MROH9: variants seen among roughly 807,000 people sequenced by gnomAD.
The protein encoded by MROH9 is maestro heat like repeat family member 9, also known as maestro heat-like repeat-containing protein family member 9.
MROH9 carries 92 observed loss-of-function variants against 98.2 expected under a neutral mutation model. The ratio of observed to expected loss-of-function variants is 0.94; its 90% CI spans 0.79 to 1.11. The LOEUF (loss-of-function observed/expected upper bound fraction) is 1.11, where lower values mean the gene tolerates loss of function less well. MROH9 is among the 50% of genes most tolerant of loss of function. The pLI is 0.00. For synonymous variants in MROH9, 397 were observed against 368.9 expected, an observed-to-expected ratio of 1.08 and a Z score of -0.87; for missense variants, 1,057 against 1,014.8, an observed-to-expected ratio of 1.04 and a Z score of -0.57.
At chr1:171,057,120 A>G (rs1653862826) in intron 20 of MROH9, among the ~76,000 whole-genome samples, 1 of 152,218 alleles carries the variant, frequency 6.6e-6, no homozygotes. Flanking sequence ...GATGAGATGG[A>G]TGAATTGACA....
intron 20 of MROH9, among the ~76,000 whole-genome samples, chr1:171,043,389 A>G (rs887750284): frequency 9.2e-5 from 14 of 152,084 alleles, no homozygotes; most frequent in Non-Finnish European, 2.1e-4. Flanking sequence ...GCTCTGTAGT[A>G]TAATTTGAAA....
intron 3 of MROH9, among the ~76,000 whole-genome samples, chr1:170,952,771 T>A (rs923723979): frequency 1.6e-4 from 24 of 148,868 alleles, no homozygotes; most frequent in Non-Finnish European, 2.8e-4. Context: ...ATATATATAT[T>A]AAAAAAAGAA....
At chr1:171,049,940 C>T (rs766796449) in intron 20 of MROH9, among the ~76,000 whole-genome samples, 13 of 152,234 alleles carry the variant, frequency 8.5e-5, no homozygotes, top group Non-Finnish European at 1.6e-4. Context: ...CCTTGGCCTC[C>T]CAATGTGCTA....
intron 15 of MROH9, chr1:170,998,656 A>C (rs771153444): frequency 7.8e-5 from 89 of 1,139,234 alleles, no homozygotes; most frequent in Non-Finnish European, 9.3e-5. Context: ...CTAGAGGGAG[A>C]AAGGAACTGG....
intron 1 of MROH9, among the ~76,000 whole-genome samples, chr1:170,937,614 C>T (rs916502851): frequency 8.8e-5 from 13 of 147,884 alleles, no homozygotes; most frequent in African/African-American, 1.2e-4. Context: ...CTCCGCCTCC[C>T]GGGTTCACGC....
In MROH9 at chr1:170,970,731, T is replaced by TGTGTGAGAGA. The variant is rs1491154307; in HGVS notation, c.481-1016_481-1015insTGTGAGAGAG. 6.5e-3 allele frequency among the ~76,000 whole-genome samples: 588 copies of TGTGTGAGAGA among 90,796 alleles called. 11 individuals are homozygous for TGTGTGAGAGA. The highest frequency in any genetic ancestry group is 0.048 in the South Asian group (113 of 2,358). The allele number at this position is 90,796 out of a possible 152,430, so 59.6% of individuals were successfully genotyped here. On this transcript the variant is annotated intron_variant, in intron 7 of 21. Coordinates refer to ENST00000367759, the MANE Select transcript of MROH9 (RefSeq NM_001163629.2). ...GTGTGTGTGTGTGTGTGTGTGTGTG[T>TGTGTGAGAGA]GAGAGAGAGAGAGAGAGAGAGAGAG...
At chr1:170,983,644 TA>T (rs1189682469) in intron 9 of MROH9, 110 bp downstream of exon 9, 1 of 661,888 alleles carries the variant, frequency 1.5e-6, no homozygotes, top group Non-Finnish European at 2.6e-6. Context: ...CGTTTTTTTT[TA>T]AACTCAGTGT....
At position 171,025,407 on chromosome 1, in the gene MROH9, G is replaced by A. The variant is rs772652121; in HGVS notation, c.2268G>A (p.Ser756=). ...WSPRTYLKRA[S]VILIGYLAKS... ...CCAGAACATATCTTAAGAGGGCATCGGTTATTTTGATAGGTAAATATAATT... is the reference window on the plus strand; with the variant it reads ...CCAGAACATATCTTAAGAGGGCATCAGTTATTTTGATAGGTAAATATAATT... The change falls in exon 20 of 22, where the codon TCG becomes TCA. Residue 756 remains serine (S), a synonymous_variant. Transcript: ENST00000367759. 1.6e-5 allele frequency: 25 copies of A among 1,543,588 alleles called. No individual in the cohort carries two copies. Among genetic ancestry groups the A allele is most frequent in the South Asian group, 8.3e-5 (7 of 83,834 alleles).
chr1:171,046,577 C>T (rs1653479402), intron 20 of MROH9, among the ~76,000 whole-genome samples: 1 of 152,120 alleles, frequency 6.6e-6, no homozygotes, highest in South Asian at 2.1e-4. Flanking sequence ...CATCCCTCTG[C>T]TTTTTAACTT....
chr1:171,004,249 C>T (rs929478971), intron 15 of MROH9, among the ~76,000 whole-genome samples: 8 of 152,176 alleles, frequency 5.3e-5, no homozygotes, highest in South Asian at 2.1e-4. Context: ...TGCCCTCCCC[C>T]GAGTTCTGGC....
intron 12 of MROH9, among the ~76,000 whole-genome samples, chr1:170,994,794 G>T (rs1322332256): frequency 6.6e-6 from 1 of 151,998 alleles, no homozygotes; most frequent in South Asian, 2.1e-4. Context: ...TTTTAAGAAT[G>T]TAAACACGTC....
intron 2 of MROH9, among the ~76,000 whole-genome samples, chr1:170,945,870 C>A (rs927413539): frequency 3.9e-5 from 6 of 152,016 alleles, no homozygotes; most frequent in Non-Finnish European, 8.8e-5. Flanking sequence ...AAACAACCTA[C>A]CACTTGTCCA....
At position 171,016,197 on chromosome 1, in the gene MROH9, T is replaced by C. The variant is rs1557899430; in HGVS notation, c.1769T>C (p.Leu590Pro). The change falls in exon 17 of 22, where the codon CTG becomes CCG. Residue 590 changes from leucine (L) to proline (P), a missense_variant. By Grantham distance (98) the Leu-to-Pro change is moderately conservative. Transcript: ENST00000367759. ...ENVSSILIAILDAFLSKDDNV... is the reference protein window; with the variant it reads ...ENVSSILIAIPDAFLSKDDNV... Reference sequence around the variant, plus strand: ...GTCAGCAGTATATTAATAGCCATCCTGGATGCCTTCCTTTCCAAAGACGAT... The same window carrying C: ...GTCAGCAGTATATTAATAGCCATCCCGGATGCCTTCCTTTCCAAAGACGAT... The C allele has an allele frequency of 6.5e-7, 1 of 1,533,806 alleles. No homozygotes were observed. The highest frequency in any genetic ancestry group is 8.8e-7 in the Non-Finnish European group (1 of 1,139,690).
intron 8 of MROH9, 127 bp downstream of exon 8, chr1:170,972,010 C>T (rs777233692): frequency 2.9e-6 from 3 of 1,026,088 alleles, no homozygotes; most frequent in Non-Finnish European, 4.2e-6. Flanking sequence ...CATGGCTATA[C>T]TTTCTAAAAT....
intron 20 of MROH9, among the ~76,000 whole-genome samples, chr1:171,035,562 A>G (rs1278982948): frequency 6.6e-6 from 1 of 152,092 alleles, no homozygotes; most frequent in African/African-American, 2.4e-5. Context: ...ATTAGAATAT[A>G]TAAAGAATTC....
At chr1:170,961,789 G>A in intron 5 of MROH9, 101 bp from the exon 6 acceptor site, 1 of 484,176 alleles carries the variant, frequency 2.1e-6, no homozygotes, top group Admixed American at 4.4e-5. Context: ...TCAAGGAATT[G>A]AAACCCAGTT....
At chr1:171,063,969 CA>C in intron 21 of MROH9, 129 bp from the exon 22 acceptor site, 3 of 906,566 alleles carry the variant, frequency 3.3e-6, no homozygotes, top group Non-Finnish European at 4.9e-6. Flanking sequence ...TTACAAAATG[CA>C]GAGGGAATGC....
rs1021682084 is a variant in MROH9, at chr1:171,016,176, G to A, written c.1748G>A (p.Ser583Asn). The change falls in exon 17 of 22, where the codon AGC becomes AAC. Residue 583 changes from serine to asparagine, a missense_variant. Physicochemically the swap from Ser to Asn is conservative, Grantham distance 46. Coordinates refer to ENST00000367759, the MANE Select transcript of MROH9 (RefSeq NM_001163629.2). ...TTTTATATGTAGACAGAAAATGTCA[G>A]CAGTATATTAATAGCCATCCTGGAT... ...SPIINKTENV[S>N]SILIAILDAF... The A allele has an allele frequency of 6.0e-6, 9 of 1,494,348 alleles. No individual in the cohort carries two copies. In the Admixed American group the frequency reaches 1.2e-4, roughly 20 times the overall value. The allele number at this position is 1,494,348 out of a possible 1,614,324, so 92.6% of individuals were successfully genotyped here.
At chr1:171,014,331 C>T in intron 16 of MROH9, 77 bp downstream of exon 16, 3 of 1,335,382 alleles carry the variant, frequency 2.2e-6, no homozygotes, top group South Asian at 2.9e-5. Context: ...AACATCTTCA[C>T]TGACAAAGCG....
Sources: allele counts gnomAD v4.1 joint callset (sites outside exome capture counted in the v4.1 genomes callset), GRCh38; gene constraint gnomAD v4.1.1; transcripts MANE v1.5; gene names NCBI Gene and HGNC (gene_info 2026-07-23, HGNC 2026-07-21).